The following DYSF variants were observed in gnomAD, a reference collection of about 807,000 sequenced individuals.
DYSF encodes dysferlin.
Under a neutral mutation model 274.9 loss-of-function variants are expected in DYSF, and 212 were observed. That is an observed-to-expected ratio of 0.77 (90% CI 0.69 to 0.86). DYSF has a LOEUF of 0.86. Ranked by LOEUF, DYSF falls within the 40% of genes least tolerant of loss-of-function variation. The pLI, the probability that DYSF is intolerant of heterozygous loss-of-function variation, is 0.00. For synonymous variants in DYSF, 1,091 were observed against 1,078.7 expected (o/e 1.01, Z -0.22); for missense variants, 2,666 against 2,783.2 (o/e 0.96, Z 0.95).
intron 2 of DYSF, among the ~76,000 whole-genome samples, 186 bp downstream of exon 2, chr2:71,481,124 G>T (rs1265272292): frequency 1.3e-5 from 2 of 152,176 alleles, no homozygotes; most frequent in African/African-American, 4.8e-5. Context: ...TGGTGGCCTG[G>T]CCTACTAGGT....
chr2:71,565,246 C>CTTTTTTTTTTTTTTTTTTTTTTTTT (rs796705736), intron 24 of DYSF, among the ~76,000 whole-genome samples: 1 of 131,330 alleles, frequency 7.6e-6, no homozygotes, highest in African/African-American at 2.9e-5. Context: ...CCACCCAGCT[C>CTTTTTTTTTTTTTTTTTTTTTTTTT]TTTTTTTTTT....
At chr2:71,453,757 C>T (rs1573204810) in exon 1 of DYSF, 1 of 574,824 alleles carries the variant, frequency 1.7e-6, no homozygotes, top group Non-Finnish European at 3.1e-6. Flanking sequence ...GTTCTCGGAA[C>T]GCCGGCTGAC....
At chr2:71,660,295 G>A (rs1435823329) in intron 44 of DYSF, among the ~76,000 whole-genome samples, 1 of 152,204 alleles carries the variant, frequency 6.6e-6, no homozygotes, top group Non-Finnish European at 1.5e-5. Context: ...TAAGGGCCTG[G>A]CCTCTCCCAA....
At chr2:71,477,307 C>G (rs1334821134) in intron 1 of DYSF, among the ~76,000 whole-genome samples, 1 of 151,970 alleles carries the variant, frequency 6.6e-6, no homozygotes, top group African/African-American at 2.4e-5. Flanking sequence ...GTCATGGTGC[C>G]AGCACATAGG....
intron 36 of DYSF, among the ~76,000 whole-genome samples, chr2:71,606,790 C>T (rs1453505391): frequency 6.6e-6 from 1 of 152,084 alleles, no homozygotes; most frequent in Non-Finnish European, 1.5e-5. Flanking sequence ...GGGTTAGATT[C>T]AGTTGGCAGT....
At chr2:71,461,486 G>A (rs138529893) in intron 1 of DYSF, among the ~76,000 whole-genome samples, 1,921 of 152,340 alleles carry the variant, frequency 0.013, 22 homozygotes, top group South Asian at 0.026. Context: ...CTAGGAGAGC[G>A]AGAGGTGGAA....
intron 1 of DYSF, among the ~76,000 whole-genome samples, chr2:71,456,154 G>A (rs1040898503): frequency 6.6e-6 from 1 of 151,886 alleles, no homozygotes; most frequent in Non-Finnish European, 1.5e-5. Context: ...TGGCTCTTCG[G>A]GGTAGGCTCC....
chr2:71,598,370 C>T (rs1043610628), intron 32 of DYSF, among the ~76,000 whole-genome samples, 194 bp from the exon 33 acceptor site: 6 of 152,210 alleles, frequency 3.9e-5, no homozygotes, highest in Non-Finnish European at 2.9e-5. Context: ...ATGTCCCCAC[C>T]GTGGCCTCCA....
At chr2:71,556,442 T>G (rs1241268829) in intron 22 of DYSF, among the ~76,000 whole-genome samples, 1 of 152,132 alleles carries the variant, frequency 6.6e-6, no homozygotes, top group Non-Finnish European at 1.5e-5. Flanking sequence ...GGATCATGGT[T>G]TCTGTTTAGC....
intron 2 of DYSF, among the ~76,000 whole-genome samples, chr2:71,481,368 G>A (rs1317311056): frequency 6.6e-6 from 1 of 152,228 alleles, no homozygotes; most frequent in East Asian, 1.9e-4. Flanking sequence ...GCTCCCGGGT[G>A]GTCCTTTGGA....
chr2:71,649,621 C>G (rs1397364595), intron 42 of DYSF, among the ~76,000 whole-genome samples: 1 of 151,958 alleles, frequency 6.6e-6, no homozygotes, highest in African/African-American at 2.4e-5. Flanking sequence ...TTCCAGCTAT[C>G]AGAACTGTCA....
intron 52 of DYSF, 150 bp from the exon 53 acceptor site, chr2:71,678,907 G>T: frequency 1.4e-6 from 1 of 708,850 alleles, no homozygotes. Context: ...GGGAGGTGGA[G>T]AGTTCGTGAG....
At chr2:71,612,894 C>T in intron 39 of DYSF, 88 bp downstream of exon 39, 1 of 1,460,184 alleles carries the variant, frequency 6.8e-7, no homozygotes. Flanking sequence ...ATCCTGAAAC[C>T]CTTCTCTTAC....
At chr2:71,565,179 C>T (rs1352938802) in intron 24 of DYSF, among the ~76,000 whole-genome samples, 1 of 151,570 alleles carries the variant, frequency 6.6e-6, no homozygotes, top group Non-Finnish European at 1.5e-5. Flanking sequence ...CTCACAAGTT[C>T]AAGGGATTCT....
intron 30 of DYSF, among the ~76,000 whole-genome samples, chr2:71,579,481 G>T (rs553308906): frequency 3.9e-5 from 6 of 152,168 alleles, no homozygotes; most frequent in Admixed American, 1.3e-4. Flanking sequence ...GCATGTGTAC[G>T]CACGCATGTA....
At chr2:71,598,792 T>C (rs368276114) in intron 33 of DYSF, 47 bp downstream of exon 33, 146 of 1,599,942 alleles carry the variant, frequency 9.1e-5, no homozygotes, top group Non-Finnish European at 1.2e-4. Flanking sequence ...GGAGGGACCA[T>C]GTGCAAAGGT....
At chr2:71,495,231 A>C (rs2084259406) in intron 3 of DYSF, among the ~76,000 whole-genome samples, 1 of 152,098 alleles carries the variant, frequency 6.6e-6, no homozygotes, top group Non-Finnish European at 1.5e-5. Context: ...CTGACCCATG[A>C]GTGGTGCTCA....
chr2:71,516,390 G>A (rs2086657613), intron 9 of DYSF, 148 bp downstream of exon 9: 1 of 789,400 alleles, frequency 1.3e-6, no homozygotes, highest in Non-Finnish European at 2.2e-6. Context: ...GTGTGTATGT[G>A]AGTATGTGCG....
intron 1 of DYSF, chr2:71,454,166 A>T: frequency 7.3e-7 from 1 of 1,365,220 alleles, no homozygotes; most frequent in East Asian, 2.5e-5. Context: ...CCTGGAGAGC[A>T]CCTAGAGCTG....
Sources: gnomAD v4.1 joint callset for allele counts (sites outside exome capture counted in the v4.1 genomes callset) on GRCh38, gnomAD v4.1.1 for gene constraint, MANE v1.5 for transcripts, NCBI Gene and HGNC (gene_info 2026-07-23, HGNC 2026-07-21) for gene names.